Variants in CCDC149 observed in about 807,000 individuals in gnomAD.
CCDC149 encodes the protein coiled-coil domain containing 149.
Under a neutral mutation model 59.9 loss-of-function variants are expected in CCDC149, and 45 were observed. The ratio of observed to expected loss-of-function variants is 0.75; its 90% CI spans 0.59 to 0.96. CCDC149 has a LOEUF of 0.96. Ranked by LOEUF, CCDC149 falls within the 40% of genes least tolerant of loss-of-function variation. CCDC149 has a pLI of 0.00. For missense variants in CCDC149, 584 were observed against 664.7 expected (o/e 0.88, Z 1.33); for synonymous variants, 245 against 260.6 (o/e 0.94, Z 0.58).
Position 24,822,523 on chromosome 4 carries a change from TC to T in CCDC149, c.1015del (p.Glu339LysfsTer11). 6.5e-7 allele frequency: 1 copy of T among 1,538,658 alleles called. No homozygotes were observed. On this transcript the variant is annotated frameshift_variant, in exon 10 of 13. Transcript: ENST00000635206. LOFTEE classifies it high-confidence loss of function. ...TGGAAGACTCCACAAACCAGAAACTTCCAGAGTTCTTAATTTTTTTTCCAGC... is the reference window on the plus strand; with the variant it reads ...TGGAAGACTCCACAAACCAGAAACTTCAGAGTTCTTAATTTTTTTTCCAGC...
rs1716626176 is a variant in CCDC149 at position 24,837,551 on chromosome 4, T to C, written c.490-151A>G. The stretch of plus-strand genomic sequence containing the variant: ...AAGCCATAAGCGCCACACACTGAAA[T>C]ACAATAACAGCTAAAAGCGAGGGAT... On this transcript the variant is annotated intron_variant, in intron 5 of 12. Transcript: ENST00000635206. This position sits in a 1 kb window ranked among gnomAD's most constrained non-coding sequence, Gnocchi z 4.3. 2 of 653,438 alleles carry C rather than the reference T, an allele frequency of 3.1e-6. No individual in the cohort carries two copies. Among genetic ancestry groups the C allele is most frequent in the Non-Finnish European group, 5.2e-6 (2 of 383,816 alleles). The allele number at this position is 653,438 out of a possible 1,614,324, so 40.5% of individuals were successfully genotyped here.
At chr4:24,958,790 G>A (rs1723547519) in intron 1 of CCDC149, among the ~76,000 whole-genome samples, 1 of 152,126 alleles carries the variant, frequency 6.6e-6, no homozygotes, top group Non-Finnish European at 1.5e-5. Flanking sequence ...CCAGCACTTC[G>A]GGAGACTGAG....
Position 24,851,988 on chromosome 4 carries a change from T to G in CCDC149, c.372+1084A>C, listed in dbSNP as rs141646457. On this transcript the variant is annotated intron_variant, in intron 4 of 12. Coordinates refer to ENST00000635206, the MANE Select transcript of CCDC149 (RefSeq NM_001330643.2). ...GTTAAATCCAAGAGGTTAAAAAAAT[T>G]TAAGGCCAGTTAAGTGGAGAAGAAG... Among the ~76,000 whole-genome samples, 950 of 151,792 alleles carry G rather than the reference T, an allele frequency of 6.3e-3. 2 individuals are homozygous for G. The highest frequency in any genetic ancestry group is 0.01 in the Non-Finnish European group (680 of 67,984).
chr4:24,929,923 G>A (rs996933662), intron 1 of CCDC149, among the ~76,000 whole-genome samples: 1 of 152,116 alleles, frequency 6.6e-6, no homozygotes, highest in Non-Finnish European at 1.5e-5. Flanking sequence ...CACTTTGAAT[G>A]CAGGTGCTCA....
At chr4:24,973,857 G>C (rs1322380282) in intron 1 of CCDC149, among the ~76,000 whole-genome samples, 6 of 152,246 alleles carry the variant, frequency 3.9e-5, no homozygotes, top group Non-Finnish European at 8.8e-5. Context: ...GGAGGGATTG[G>C]GTTTGGGGTT....
intron 12 of CCDC149, among the ~76,000 whole-genome samples, chr4:24,811,864 C>T (rs1330578926): frequency 1.7e-5 from 2 of 118,502 alleles, no homozygotes; most frequent in Admixed American, 1.9e-4. Flanking sequence ...CAGAGTGAGA[C>T]TCCGACTCAA....
chr4:24,842,667 C>T (rs540489602), intron 4 of CCDC149, among the ~76,000 whole-genome samples: 1 of 152,322 alleles, frequency 6.6e-6, no homozygotes, highest in East Asian at 1.9e-4. Context: ...GGCTGAGGGA[C>T]ATGGCTGCAA....
chr4:24,867,542 T>G (rs540985566), intron 3 of CCDC149, among the ~76,000 whole-genome samples: 31 of 152,214 alleles, frequency 2.0e-4, no homozygotes, highest in Non-Finnish European at 3.8e-4. Context: ...CTATCTATAC[T>G]TGAGAAGAAC....
intron 1 of CCDC149, among the ~76,000 whole-genome samples, chr4:24,942,504 T>G (rs1722982633): frequency 6.6e-6 from 1 of 152,192 alleles, no homozygotes. Flanking sequence ...GGATGCCCTC[T>G]CTCACCACTC....
At chr4:24,959,501 A>T (rs1368871570) in intron 1 of CCDC149, among the ~76,000 whole-genome samples, 2 of 152,138 alleles carry the variant, frequency 1.3e-5, no homozygotes, top group Non-Finnish European at 2.9e-5. Context: ...CAGAAAAAAA[A>T]AATTTGAATA....
rs200792138 is a variant in CCDC149 at position 24,837,253 on chromosome 4, C to T, written c.637G>A (p.Val213Met). Reference sequence around the variant, plus strand: ...CTGTTCTCCATACACAGGGCGTCCACGTCAATGATGCGGTTCTCGTGCCCA... The same window carrying T: ...CTGTTCTCCATACACAGGGCGTCCATGTCAATGATGCGGTTCTCGTGCCCA... Residue 213 changes from valine (V) to methionine (M), a missense_variant, in exon 6 of 13, where the codon GTG becomes ATG. Physicochemically the swap from Val to Met is conservative, Grantham distance 21. Transcript: ENST00000635206. This position sits in a 1 kb window ranked among gnomAD's most constrained non-coding sequence, Gnocchi z 4.3. The T allele has an allele frequency of 2.9e-5, 47 of 1,614,206 alleles. No homozygotes were observed. The highest frequency in any genetic ancestry group is 1.7e-4 in the Middle Eastern group (1 of 6,058).
chr4:24,862,682 C>T (rs1269540186), intron 3 of CCDC149, among the ~76,000 whole-genome samples: 3 of 152,216 alleles, frequency 2.0e-5, no homozygotes, highest in African/African-American at 7.2e-5. Context: ...ACACAATATT[C>T]TTCATAAACA....
chr4:24,816,427 C>T (rs1455559138), intron 12 of CCDC149, among the ~76,000 whole-genome samples: 4 of 151,884 alleles, frequency 2.6e-5, no homozygotes, highest in African/African-American at 7.3e-5. Context: ...AAATTATACT[C>T]AAGTCATTAT....
chr4:24,955,325 G>T (rs999265441), intron 1 of CCDC149, among the ~76,000 whole-genome samples: 4 of 152,104 alleles, frequency 2.6e-5, no homozygotes, highest in Non-Finnish European at 5.9e-5. Flanking sequence ...CTTTCATAGA[G>T]CCTTAGTTCC....
chr4:24,897,096 G>A lies in CCDC149; in HGVS notation c.63+15721C>T, dbSNP rs74608799. Among the ~76,000 whole-genome samples, 223 of 152,238 alleles carry A rather than the reference G, an allele frequency of 1.5e-3. 6 individuals carry two copies. The East Asian group carries it at 0.038, about 26-fold the overall frequency. On this transcript the variant is annotated intron_variant, in intron 1 of 12. Transcript: ENST00000635206. ...ACCCATGGCGGCCAGGGAGACACGC[G>A]GTCAGAGAGGCATGGCTAGATGTTG...
chr4:24,912,370 C>T (rs1721924849), intron 1 of CCDC149, among the ~76,000 whole-genome samples: 1 of 152,180 alleles, frequency 6.6e-6, no homozygotes, highest in Admixed American at 6.5e-5. Context: ...CCAACTCGAA[C>T]CACCGCCGCA....
chr4:24,813,499 T>TATATATATATATATATATATATATATAC (rs1714782331), intron 12 of CCDC149, among the ~76,000 whole-genome samples: 1 of 18,300 alleles, frequency 5.5e-5, no homozygotes, highest in African/African-American at 1.2e-4. Flanking sequence ...AATATATATA[T>TATATATATATATATATATATATATATAC]ATATATATAT....
chr4:24,968,668 C>A (rs1723875706), intron 1 of CCDC149, among the ~76,000 whole-genome samples: 1 of 152,220 alleles, frequency 6.6e-6, no homozygotes, highest in African/African-American at 2.4e-5. Flanking sequence ...ACTGCTGTTG[C>A]AGTCCAGCCT....
At chr4:24,860,702 A>G (rs1472613908) in intron 3 of CCDC149, among the ~76,000 whole-genome samples, 2 of 152,226 alleles carry the variant, frequency 1.3e-5, no homozygotes, top group Admixed American at 6.5e-5. Flanking sequence ...TGCATCCAAC[A>G]AAGGACTAAT....
Sources: allele counts gnomAD v4.1 joint callset (sites outside exome capture counted in the v4.1 genomes callset), GRCh38; gene constraint gnomAD v4.1.1; non-coding constraint Gnocchi (gnomAD v3.1); transcripts MANE v1.5; gene names NCBI Gene and HGNC (gene_info 2026-07-23, HGNC 2026-07-21).